KMT2E: variants seen among roughly 807,000 people sequenced by gnomAD.
KMT2E encodes histone reader KMT2E.
In KMT2E, 30 loss-of-function variants were observed where a neutral mutation model predicts 184.6. That is an observed-to-expected ratio of 0.16 (90% confidence interval 0.12 to 0.22). The LOEUF is 0.22. Ranked by LOEUF, KMT2E falls within the 10% of genes least tolerant of loss-of-function variation. The pLI, the probability that KMT2E is intolerant of heterozygous loss-of-function variation, is 1.00. For synonymous variants in KMT2E, 815 were observed against 776.5 expected (o/e 1.05, Z -0.82); for missense variants, 2,023 against 2,237.4 (o/e 0.90, Z 1.93).
At chr7:105,029,898 G>C (rs1267127829) in intron 1 of KMT2E, among the ~76,000 whole-genome samples, 1 of 152,086 alleles carries the variant, frequency 6.6e-6, no homozygotes, top group Non-Finnish European at 1.5e-5. Context: ...GGCAGGTTTT[G>C]TTTTTTCATG....
intron 15 of KMT2E, among the ~76,000 whole-genome samples, chr7:105,091,800 T>C (rs930775843): frequency 1.9e-4 from 29 of 152,126 alleles, no homozygotes; most frequent in African/African-American, 7.0e-4. Context: ...TTAAAATAAA[T>C]TTAGGATATA....
At chr7:105,035,800 C>G (rs1382596620) in intron 1 of KMT2E, among the ~76,000 whole-genome samples, 4 of 152,050 alleles carry the variant, frequency 2.6e-5, no homozygotes, top group African/African-American at 9.7e-5. Context: ...CTCAGGTGAT[C>G]CACCCACCTT....
Position 105,111,987 on chromosome 7 carries a change from C to A in KMT2E, c.4231C>A (p.Leu1411Ile), listed in dbSNP as rs544400776. ...ACAGCTATCAAATAACAACCAAGCACTTTCAAAGAATCATCCTCCTCAGAC... is the reference window on the plus strand; with the variant it reads ...ACAGCTATCAAATAACAACCAAGCAATTTCAAAGAATCATCCTCCTCAGAC... Reference protein sequence around the residue: ...QKQLSNNNQALSKNHPPQTHV... With the variant: ...QKQLSNNNQAISKNHPPQTHV... Residue 1411 changes from leucine (L) to isoleucine (I), a missense_variant, in exon 27 of 27, where the codon CTT (leucine) becomes ATT (isoleucine). Coordinates refer to ENST00000311117, the MANE Select transcript of KMT2E (RefSeq NM_182931.3). 6.2e-7 allele frequency: 1 copy of A among 1,614,200 alleles called. No individual in the cohort carries two copies. Among genetic ancestry groups the A allele is most frequent in the Non-Finnish European group, 8.5e-7 (1 of 1,180,030 alleles).
intron 1 of KMT2E, among the ~76,000 whole-genome samples, chr7:105,032,803 A>G (rs934471586): frequency 5.9e-5 from 9 of 152,228 alleles, no homozygotes; most frequent in African/African-American, 1.9e-4. Flanking sequence ...CATGTCCATC[A>G]TAGGATTTTG....
chr7:105,055,168 G>C (rs1796527126), intron 3 of KMT2E, among the ~76,000 whole-genome samples: 1 of 149,790 alleles, frequency 6.7e-6, no homozygotes, highest in Non-Finnish European at 1.5e-5. Flanking sequence ...TTGGGAGAGA[G>C]ACAACCCATT....
At chr7:105,099,090 A>C (rs1279100907) in intron 15 of KMT2E, among the ~76,000 whole-genome samples, 2 of 152,232 alleles carry the variant, frequency 1.3e-5, no homozygotes, top group South Asian at 4.1e-4. Context: ...GAAAAGCTGA[A>C]TGATGTATGA....
chr7:105,053,842 T>C (rs981543772), intron 3 of KMT2E, among the ~76,000 whole-genome samples: 1 of 152,116 alleles, frequency 6.6e-6, no homozygotes. Context: ...ACCACTGCAC[T>C]CCAGCTTGGG....
intron 17 of KMT2E, chr7:105,103,228 T>C (rs1347138117): frequency 2.0e-5 from 3 of 152,180 alleles, no homozygotes; most frequent in African/African-American, 7.2e-5. Flanking sequence ...TTTAACAAAG[T>C]TGTGGTACGA....
At chr7:105,023,298 A>C (rs1795027645) in intron 1 of KMT2E, among the ~76,000 whole-genome samples, 1 of 146,858 alleles carries the variant, frequency 6.8e-6, no homozygotes, top group Non-Finnish European at 1.5e-5. Context: ...GCTACTTGGG[A>C]GGCTGGGGCA....
chr7:105,112,788 C>T lies in KMT2E; in HGVS notation c.5032C>T (p.Pro1678Ser). 2.5e-6 allele frequency: 4 copies of T among 1,580,912 alleles called. No individual in the cohort carries two copies. Among genetic ancestry groups the T allele is most frequent in the Admixed American group, 1.7e-5 (1 of 57,976 alleles). The part of the protein sequence containing the change: ...IHSQTAGHHL[P>S]PPPPPPGPAP... ...TTCTCAAACTGCTGGACACCACTTA[C>T]CCCCACCCCCACCCCCTCCTGGTCC... The change falls in exon 27 of 27, where the codon CCC becomes TCC. Residue 1678 changes from proline (P) to serine (S), a missense_variant. This residue lies in a region of KMT2E where 1,108 missense variants were observed against 1,050.9 expected (regional missense o/e 1.05). Coordinates refer to ENST00000311117, the MANE Select transcript of KMT2E (RefSeq NM_182931.3).
intron 1 of KMT2E, among the ~76,000 whole-genome samples, chr7:105,033,675 AT>A (rs1321202535): frequency 1.3e-5 from 2 of 151,774 alleles, no homozygotes; most frequent in Non-Finnish European, 2.9e-5. Context: ...ATTTTTTTGT[AT>A]TTTTAGTAAA....
intron 1 of KMT2E, among the ~76,000 whole-genome samples, chr7:105,019,560 C>A (rs990392841): frequency 2.6e-5 from 4 of 152,040 alleles, no homozygotes; most frequent in Non-Finnish European, 5.9e-5. Flanking sequence ...AATAATTAAC[C>A]TATAATATGT....
At chr7:105,055,677 G>A (rs1183070010) in intron 3 of KMT2E, among the ~76,000 whole-genome samples, 1 of 152,156 alleles carries the variant, frequency 6.6e-6, no homozygotes, top group East Asian at 1.9e-4. Context: ...TTAGAGAAAC[G>A]TGCTTAAATG....
In KMT2E at chr7:105,069,725, T is replaced by C. The variant is rs1006213366; in HGVS notation, c.497+2918T>C. ...TGTTAACATCTTGCATAACTATTAATACAATATCACAACTAGGATATTGGC... is the reference window on the plus strand; with the variant it reads ...TGTTAACATCTTGCATAACTATTAACACAATATCACAACTAGGATATTGGC... On this transcript the variant is annotated intron_variant, in intron 6 of 26. Coordinates refer to ENST00000311117, the MANE Select transcript of KMT2E (RefSeq NM_182931.3). Among the ~76,000 whole-genome samples the C allele has an allele frequency of 3.3e-5, 5 of 152,220 alleles. No individual in the cohort carries two copies. In the East Asian group the frequency reaches 9.6e-4, roughly 29 times the overall value.
In KMT2E at chr7:105,062,289, A is replaced by C. The variant is rs760990931; in HGVS notation, c.186+11A>C. 3 of 1,556,384 alleles carry C rather than the reference A, an allele frequency of 1.9e-6. No individual in the cohort carries two copies. The highest frequency in any genetic ancestry group is 3.4e-5 in the Admixed American group (2 of 58,314). ...GGTTTGCCCTATGCGGTAAGTGTTA[A>C]ACACTTCTTTGAAAAAACATTTTTA... On this transcript the variant is annotated intron_variant, in intron 4 of 26. Coordinates refer to ENST00000311117, the MANE Select transcript of KMT2E (RefSeq NM_182931.3).
Position 105,109,059 on chromosome 7 carries a change from G to A in KMT2E, c.3586G>A (p.Gly1196Ser), listed in dbSNP as rs1159007259. The change falls in exon 23 of 27, where the codon GGT becomes AGT. Residue 1196 changes from glycine to serine, a missense_variant. Transcript: ENST00000311117. ...TGCAAGTGGAAGCTTGAGCAACAAT[G>A]GTGATGGCTGTGCCAGCAGTAATGA... ...PHASGSLSNN[G>S]DGCASSNDNG... 2.5e-6 allele frequency: 4 copies of A among 1,614,084 alleles called. No individual in the cohort carries two copies. Among genetic ancestry groups the A allele is most frequent in the Non-Finnish European group, 2.5e-6 (3 of 1,180,030 alleles).
intron 15 of KMT2E, chr7:105,091,540 T>G: frequency 1.7e-6 from 1 of 576,036 alleles, no homozygotes; most frequent in Non-Finnish European, 3.1e-6. Flanking sequence ...TTAAGAAATA[T>G]GAACATTTTG....
intron 17 of KMT2E, chr7:105,103,951 C>G (rs1798781875): frequency 6.6e-6 from 1 of 151,462 alleles, no homozygotes; most frequent in African/African-American, 2.4e-5. Context: ...CCTCAGCCTC[C>G]TGAGTAGCTG....
chr7:105,045,414 C>A (rs1294200393), intron 3 of KMT2E, among the ~76,000 whole-genome samples: 2 of 152,182 alleles, frequency 1.3e-5, no homozygotes, highest in African/African-American at 2.4e-5. Flanking sequence ...ACTTTATCAT[C>A]CCAAATAGAA....
Sources: allele counts gnomAD v4.1 joint callset (sites outside exome capture counted in the v4.1 genomes callset), GRCh38; gene constraint gnomAD v4.1.1; regional missense constraint gnomAD v4.1.1; transcripts MANE v1.5; gene names NCBI Gene and HGNC (gene_info 2026-07-23, HGNC 2026-07-21).